BNC2: variants seen among roughly 807,000 people sequenced by gnomAD.
The protein encoded by BNC2 is zinc finger protein basonuclin-2.
In BNC2, 20 loss-of-function variants were observed where a neutral mutation model predicts 76.3. The ratio of observed to expected loss-of-function variants is 0.26; its 90% CI spans 0.18 to 0.38. The LOEUF is 0.38. Among genes scored for constraint, BNC2 ranks in the 10% least tolerant of loss-of-function variants. The pLI, the probability that BNC2 is intolerant of heterozygous loss-of-function variation, is 1.00. For missense variants in BNC2, 1,382 were observed against 1,399.8 expected (o/e 0.99, Z 0.20); for synonymous variants, 582 against 514.8 (o/e 1.13, Z -1.77).
intron 3 of BNC2, among the ~76,000 whole-genome samples, chr9:16,679,978 T>C (rs1206062958): frequency 6.6e-6 from 1 of 152,228 alleles, no homozygotes; most frequent in Non-Finnish European, 1.5e-5. Flanking sequence ...GTTTGGTTCT[T>C]AGTAATTTTG....
chr9:16,655,285 A>C (rs1821897447), intron 3 of BNC2, among the ~76,000 whole-genome samples: 1 of 152,202 alleles, frequency 6.6e-6, no homozygotes, highest in South Asian at 2.1e-4. Context: ...AAATTCACTA[A>C]AATAAAGATG....
intron 5 of BNC2, among the ~76,000 whole-genome samples, chr9:16,520,413 C>T (rs1048041748): frequency 2.0e-5 from 3 of 152,134 alleles, no homozygotes; most frequent in African/African-American, 4.8e-5. Context: ...AGTACAAAAT[C>T]GAGAAGGAAA....
At chr9:16,709,775 T>C (rs1212062533) in intron 3 of BNC2, among the ~76,000 whole-genome samples, 1 of 152,218 alleles carries the variant, frequency 6.6e-6, no homozygotes, top group Admixed American at 6.5e-5. Context: ...TGATCAGACT[T>C]AAATTTTCAA....
chr9:16,725,213 T>TCTCTCA (rs1554717008), intron 3 of BNC2, among the ~76,000 whole-genome samples: 43 of 39,058 alleles, frequency 1.1e-3, no homozygotes, highest in African/African-American at 3.1e-3. Context: ...TAAGTCTCTC[T>TCTCTCA]CTCTCACACA....
rs1274001817 is a variant in BNC2, at chr9:16,780,252, A to C, written c.4-41767T>G. 1.4e-3 allele frequency among the ~76,000 whole-genome samples: 192 copies of C among 134,942 alleles called. 2 individuals are homozygous for C. The Middle Eastern group carries it at 0.015, about 11-fold the overall frequency. The allele number at this position is 134,942 out of a possible 152,430, so 88.5% of individuals were successfully genotyped here. A position where few individuals can be genotyped will look rare whatever the true frequency, so the allele number is the denominator to read the frequency against. On this transcript the variant is annotated intron_variant, in intron 1 of 6. Coordinates refer to ENST00000380672, the MANE Select transcript of BNC2 (RefSeq NM_017637.6). ...CTTCGTTTCAAAAAAAAAAAAAAAA[A>C]AAAACAAAAAAAAACTACTGAAACT...
chr9:16,749,443 C>A (rs778812574), intron 1 of BNC2, among the ~76,000 whole-genome samples: 6 of 152,070 alleles, frequency 3.9e-5, no homozygotes, highest in African/African-American at 1.2e-4. Context: ...GTATAATAAT[C>A]CCAGCACCCT....
At position 16,442,798 on chromosome 9, in the gene BNC2, A is replaced by G. The variant is rs1046061643; in HGVS notation, c.670-5274T>C. 3.9e-5 allele frequency among the ~76,000 whole-genome samples: 6 copies of G among 152,276 alleles called. No individual in the cohort carries two copies. In the East Asian group the frequency reaches 1.2e-3, roughly 29 times the overall value. ...CACGGATCTAAGGCCTATGTGCTCC[A>G]GTAGTCAAATTGTTAAGAAATAAGC... is the stretch of plus-strand genomic sequence containing the variant. On this transcript the variant is annotated intron_variant, in intron 5 of 6. Coordinates refer to ENST00000380672, the MANE Select transcript of BNC2 (RefSeq NM_017637.6).
intron 5 of BNC2, among the ~76,000 whole-genome samples, chr9:16,534,014 A>T (rs1818060246): frequency 1.3e-5 from 2 of 152,194 alleles, no homozygotes; most frequent in Non-Finnish European, 2.9e-5. Context: ...TCTACCTAAC[A>T]CTGGTAGACT....
intron 5 of BNC2, among the ~76,000 whole-genome samples, chr9:16,459,900 T>C (rs1359203881): frequency 6.6e-6 from 1 of 152,128 alleles, no homozygotes; most frequent in Non-Finnish European, 1.5e-5. Flanking sequence ...AGCTACATTA[T>C]CCCTTTCTGA....
At chr9:16,707,848 G>A (rs1396531051) in intron 3 of BNC2, among the ~76,000 whole-genome samples, 3 of 152,040 alleles carry the variant, frequency 2.0e-5, no homozygotes, top group Non-Finnish European at 4.4e-5. Context: ...CACTATGTTG[G>A]CCAGGCTAGT....
At chr9:16,608,672 T>C (rs1046284896) in intron 3 of BNC2, among the ~76,000 whole-genome samples, 2 of 152,042 alleles carry the variant, frequency 1.3e-5, no homozygotes, top group African/African-American at 4.8e-5. Context: ...ATTTCCAAAA[T>C]ATATGGCTCC....
chr9:16,680,856 T>C lies in BNC2; in HGVS notation c.330+46941A>G, dbSNP rs187714051. ...AGATTCCTCTGAAACTCAGTGTACT[T>C]TCTCTTTTTTAAGCTACTTGTGATT... is the stretch of plus-strand genomic sequence containing the variant. On this transcript the variant is annotated intron_variant, in intron 3 of 6. Transcript: ENST00000380672. Among the ~76,000 whole-genome samples, 3 of 152,254 alleles carry C rather than the reference T, an allele frequency of 2.0e-5. No individual in the cohort carries two copies. The East Asian group carries it at 5.8e-4, about 29-fold the overall frequency.
At chr9:16,600,423 T>A (rs970502078) in intron 3 of BNC2, among the ~76,000 whole-genome samples, 1 of 152,186 alleles carries the variant, frequency 6.6e-6, no homozygotes, top group East Asian at 1.9e-4. Flanking sequence ...AGATGGTATG[T>A]CTCCTAAAAA....
intron 5 of BNC2, among the ~76,000 whole-genome samples, 186 bp downstream of exon 5, chr9:16,552,344 C>G (rs1818687991): frequency 6.6e-6 from 1 of 152,202 alleles, no homozygotes; most frequent in Non-Finnish European, 1.5e-5. Flanking sequence ...CCTTCTAATA[C>G]AGCCTGAGGC....
intron 1 of BNC2, among the ~76,000 whole-genome samples, chr9:16,766,481 C>G (rs903695487): frequency 2.0e-5 from 3 of 152,136 alleles, no homozygotes; most frequent in African/African-American, 7.2e-5. Context: ...GATGGGAACC[C>G]AGTTCCCACC....
At chr9:16,633,693 A>G (rs1163148631) in intron 3 of BNC2, among the ~76,000 whole-genome samples, 5 of 152,318 alleles carry the variant, frequency 3.3e-5, no homozygotes, top group African/African-American at 7.2e-5. Context: ...GAAATACAGT[A>G]TATCGTAACA....
intron 5 of BNC2, among the ~76,000 whole-genome samples, chr9:16,476,504 G>T (rs1024721209): frequency 6.6e-6 from 1 of 151,520 alleles, no homozygotes; most frequent in Admixed American, 6.6e-5. Context: ...CTTTGTCAAG[G>T]AAGTGATTCC....
intron 5 of BNC2, among the ~76,000 whole-genome samples, chr9:16,444,755 T>A (rs76389813): frequency 6.6e-6 from 1 of 152,170 alleles, no homozygotes; most frequent in South Asian, 2.1e-4. Context: ...AAAACACTTA[T>A]ACATAATATG....
intron 4 of BNC2, 50 bp downstream of exon 4, chr9:16,582,933 A>ACACG (rs866914560): frequency 2.9e-6 from 4 of 1,358,088 alleles, no homozygotes; most frequent in Non-Finnish European, 4.2e-6. Flanking sequence ...ACACACACAC[A>ACACG]CGAACATGAA....
Sources: allele counts gnomAD v4.1 joint callset (sites outside exome capture counted in the v4.1 genomes callset), GRCh38; gene constraint gnomAD v4.1.1; transcripts MANE v1.5; gene names NCBI Gene and HGNC (gene_info 2026-07-23, HGNC 2026-07-21).